Variants in FAM149A observed in about 807,000 individuals in gnomAD.
FAM149A encodes the protein family with sequence similarity 149 member A.
In FAM149A, 71 loss-of-function variants were observed where a neutral mutation model predicts 78.2. That is an observed-to-expected ratio of 0.91 (90% confidence interval 0.75 to 1.11). The LOEUF (loss-of-function observed/expected upper bound fraction) is 1.11. Ranked by LOEUF, FAM149A falls within the 50% of genes least tolerant of loss-of-function variation. The probability of loss-of-function intolerance (pLI) is 0.00; values close to 1 mark genes in which losing one functional copy is unlikely to be tolerated. For synonymous variants in FAM149A, 446 were observed against 410.5 expected (o/e 1.09, Z -1.04); for missense variants, 1,036 against 971.0 (o/e 1.07, Z -0.89).
intron 1 of FAM149A, chr4:186,125,897 C>A: frequency 1.0e-6 from 1 of 985,294 alleles, no homozygotes; most frequent in Non-Finnish European, 1.2e-6. Flanking sequence ...GAGTGTGGCA[C>A]CCTCTCTGTG....
intron 1 of FAM149A, chr4:186,127,659 A>G (rs1057179051): frequency 2.0e-6 from 2 of 985,254 alleles, no homozygotes; most frequent in South Asian, 9.4e-5. Context: ...AATGTGTGTG[A>G]AAGAGGTAGT....
chr4:186,137,946 C>T (rs915119542), intron 1 of FAM149A, among the ~76,000 whole-genome samples: 5 of 151,868 alleles, frequency 3.3e-5, no homozygotes, highest in Non-Finnish European at 7.4e-5. Context: ...ATACTCTTCC[C>T]ATTAAAATAA....
rs1262394176 is a variant in FAM149A, at chr4:186,116,458, C to G, written c.566+10816C>G. ...TTCTATTACAGTCATATGACCATTA[C>G]TGTCATTAAAGATAATAATGAATTC... On this transcript the variant is annotated intron_variant, in intron 1 of 13. Coordinates refer to ENST00000389354, the MANE Select transcript of FAM149A (RefSeq NM_001367768.3). 3.0e-6 allele frequency: 3 copies of G among 984,618 alleles called. No individual in the cohort carries two copies. The African/African-American group carries it at 5.2e-5, about 17-fold the overall frequency. The allele number at this position is 984,618 out of a possible 1,614,324, so 61.0% of individuals were successfully genotyped here.
rs202048914 is a variant in FAM149A, at chr4:186,153,775, G to A, written c.1058+5G>A. 835 of 1,592,790 alleles carry A rather than the reference G, an allele frequency of 5.2e-4. No individual in the cohort carries two copies. Among genetic ancestry groups the A allele is most frequent in the Non-Finnish European group, 6.8e-4 (796 of 1,164,024 alleles). On this transcript the variant is annotated splice_donor_5th_base_variant and intron_variant, in intron 5 of 13. Transcript: ENST00000389354. ...ACACAGCAGCAACATCAGAGAGTAT[G>A]TTCAGATAAGTGACTCTCAAAAAGT... is the stretch of plus-strand genomic sequence containing the variant.
At chr4:186,135,494 G>A (rs991628860) in intron 1 of FAM149A, among the ~76,000 whole-genome samples, 1 of 152,086 alleles carries the variant, frequency 6.6e-6, no homozygotes, top group Non-Finnish European at 1.5e-5. Context: ...TACAGGGTTC[G>A]CGTCCTGTGA....
intron 8 of FAM149A, chr4:186,158,675 G>T (rs193291619): frequency 7.5e-6 from 7 of 938,754 alleles, no homozygotes; most frequent in Admixed American, 1.8e-4. Flanking sequence ...GCCCCTGCAC[G>T]CACTGCTGCT....
chr4:186,122,933 G>A (rs1055719375), intron 1 of FAM149A: 1 of 204,730 alleles, frequency 4.9e-6, no homozygotes, highest in Non-Finnish European at 8.6e-6. Context: ...TGGTAATGGT[G>A]ACTTTCTTTT....
chr4:186,172,107 A>G lies in FAM149A; in HGVS notation c.*120A>G, dbSNP rs1229276161. 5.7e-6 allele frequency: 8 copies of G among 1,394,490 alleles called. No individual in the cohort carries two copies. The highest frequency in any genetic ancestry group is 1.5e-5 in the African/African-American group (1 of 67,346). 86.4% of individuals were successfully genotyped at this position (1,394,490 alleles called of 1,614,324 possible). A position where few individuals can be genotyped will look rare whatever the true frequency, so the allele number is the denominator to read the frequency against. On this transcript the variant is annotated 3_prime_UTR_variant, in exon 14 of 14. Coordinates refer to ENST00000389354, the MANE Select transcript of FAM149A (RefSeq NM_001367768.3). ...TCTGACAGTGTGAGATGTTAGACCGAGAGAAAAGCAAACAAATAAATCACT... is the reference window on the plus strand; with the variant it reads ...TCTGACAGTGTGAGATGTTAGACCGGGAGAAAAGCAAACAAATAAATCACT...
At chr4:186,122,515 G>A (rs2099316519) in intron 1 of FAM149A, among the ~76,000 whole-genome samples, 2 of 152,190 alleles carry the variant, frequency 1.3e-5, no homozygotes, top group Admixed American at 1.3e-4. Context: ...GATCAGTAGA[G>A]TGTCATGATA....
At position 186,149,059 on chromosome 4, in the gene FAM149A, G is replaced by C. The variant is rs1733269009; in HGVS notation, c.567-114G>C. On this transcript the variant is annotated intron_variant, in intron 1 of 13. Coordinates refer to ENST00000389354, the MANE Select transcript of FAM149A (RefSeq NM_001367768.3). ...GCTCATGCACAGGTGGGTTTGGAGG[G>C]ATGTGGCAGAACGAGAGGAGCAACT... 2.8e-5 allele frequency: 20 copies of C among 722,532 alleles called. No homozygotes were observed. The South Asian group carries it at 3.5e-4, about 13-fold the overall frequency. 44.8% of individuals were successfully genotyped at this position (722,532 alleles called of 1,614,324 possible).
intron 1 of FAM149A, among the ~76,000 whole-genome samples, chr4:186,116,198 A>G (rs1194234717): frequency 2.2e-5 from 3 of 137,694 alleles, no homozygotes; most frequent in Non-Finnish European, 4.7e-5. Flanking sequence ...CCGCAAGGGA[A>G]CTCCCTGACC....
chr4:186,126,667 A>G (rs757553297), intron 1 of FAM149A, among the ~76,000 whole-genome samples: 2 of 152,090 alleles, frequency 1.3e-5, no homozygotes, highest in Non-Finnish European at 2.9e-5. Flanking sequence ...AAGTCACGCC[A>G]TCGTCACCCC....
At position 186,158,367 on chromosome 4, in the gene FAM149A, G is replaced by A. The variant is rs1579908774; in HGVS notation, c.1575+648G>A. 1.3e-5 allele frequency: 16 copies of A among 1,203,964 alleles called. No individual in the cohort carries two copies. The East Asian group carries it at 2.1e-4, about 16-fold the overall frequency. 74.6% of individuals were successfully genotyped at this position (1,203,964 alleles called of 1,614,324 possible). On this transcript the variant is annotated intron_variant, in intron 8 of 13. Transcript: ENST00000389354. Reference sequence around the variant, plus strand: ...TGTGCTGTGTGGAAGTCGCCATCCCGTGCAACAAGGGAGCTCACTCAGTGG... The same window carrying A: ...TGTGCTGTGTGGAAGTCGCCATCCCATGCAACAAGGGAGCTCACTCAGTGG...
chr4:186,125,421 C>T (rs1378251790), intron 1 of FAM149A: 11 of 804,690 alleles, frequency 1.4e-5, no homozygotes. Flanking sequence ...GCCCCACAAA[C>T]ACAGTAATGA....
chr4:186,171,964 A>T lies in FAM149A; in HGVS notation c.2269A>T (p.Arg757Trp). 1.2e-6 allele frequency: 2 copies of T among 1,612,900 alleles called. No homozygotes were observed. The highest frequency in any genetic ancestry group is 1.7e-6 in the Non-Finnish European group (2 of 1,179,436). Reference sequence around the variant, plus strand: ...TCAGAGGACAACTTTGACTTTCAAGAGGAGATTCCAAGTGACATCTTGAAA... The same window carrying T: ...TCAGAGGACAACTTTGACTTTCAAGTGGAGATTCCAAGTGACATCTTGAAA... Residue 757 changes from arginine (R) to tryptophan (W), a missense_variant, in exon 14 of 14, where the codon AGG becomes TGG. By Grantham distance (101) the Arg-to-Trp change is moderately radical (BLOSUM62 -3). Transcript: ENST00000389354.
chr4:186,117,443 C>T, intron 1 of FAM149A: 1 of 985,330 alleles, frequency 1.0e-6, no homozygotes, highest in Non-Finnish European at 1.2e-6. Context: ...TGTGAGCACA[C>T]AGCTAAGAGA....
chr4:186,119,587 T>A (rs899586013), intron 1 of FAM149A, among the ~76,000 whole-genome samples: 2 of 152,234 alleles, frequency 1.3e-5, no homozygotes. Context: ...AATCTTAGAA[T>A]CATTGCCTTC....
intron 4 of FAM149A, chr4:186,153,389 T>C: frequency 1.0e-6 from 1 of 982,896 alleles, no homozygotes; most frequent in Middle Eastern, 5.2e-4. Context: ...AAGGTAACCA[T>C]TATTATCCTG....
intron 1 of FAM149A, among the ~76,000 whole-genome samples, chr4:186,148,464 T>C (rs1733224682): frequency 1.3e-5 from 2 of 152,344 alleles, no homozygotes; most frequent in South Asian, 2.1e-4. Context: ...AGTTGTTGAT[T>C]ATTAAACATC....
Sources: gnomAD v4.1 joint callset for allele counts (sites outside exome capture counted in the v4.1 genomes callset) on GRCh38, gnomAD v4.1.1 for gene constraint, MANE v1.5 for transcripts, NCBI Gene and HGNC (gene_info 2026-07-23, HGNC 2026-07-21) for gene names.